Variants in SPART observed in about 807,000 individuals in gnomAD.
SPART encodes spastic paraplegia 20 (Troyer syndrome).
Under a neutral mutation model 58.7 loss-of-function variants are expected in SPART, and 35 were observed. That is an observed-to-expected ratio of 0.60 (90% CI 0.46 to 0.79). The LOEUF (loss-of-function observed/expected upper bound fraction) is 0.79, where lower values mean the gene tolerates loss of function less well. Among genes scored for constraint, SPART ranks in the 30% least tolerant of loss-of-function variants. The pLI is 0.00. For missense variants in SPART, 730 were observed against 786.1 expected, an observed-to-expected ratio of 0.93 and a Z score of 0.85; for synonymous variants, 284 against 280.7, an observed-to-expected ratio of 1.01 and a Z score of -0.12.
intron 3 of SPART, among the ~76,000 whole-genome samples, chr13:36,329,810 C>T (rs1281779559): frequency 6.6e-6 from 1 of 152,136 alleles, no homozygotes; most frequent in Non-Finnish European, 1.5e-5. Flanking sequence ...TCAGATGCAG[C>T]TACATTTAAA....
chr13:36,325,482 A>T (rs1882839975), intron 5 of SPART, among the ~76,000 whole-genome samples: 1 of 152,160 alleles, frequency 6.6e-6, no homozygotes. Flanking sequence ...ATCTTTTAAA[A>T]TGGATTTTAG....
chr13:36,339,013 A>G (rs1358524085), intron 1 of SPART, among the ~76,000 whole-genome samples: 2 of 152,082 alleles, frequency 1.3e-5, no homozygotes, highest in African/African-American at 2.4e-5. Context: ...ATCACAAAAC[A>G]TGAGGCAAAC....
At chr13:36,306,758 A>C (rs147430541) in intron 8 of SPART, among the ~76,000 whole-genome samples, 216 of 151,662 alleles carry the variant, frequency 1.4e-3, no homozygotes, top group African/African-American at 4.4e-3. Flanking sequence ...GGAAAAAAAA[A>C]CAGAATATTC....
At chr13:36,311,224 T>C (rs1234436172) in intron 8 of SPART, among the ~76,000 whole-genome samples, 1 of 152,192 alleles carries the variant, frequency 6.6e-6, no homozygotes, top group East Asian at 1.9e-4. Flanking sequence ...ACGAGATTTT[T>C]TCCTCTTGAG....
intron 1 of SPART, among the ~76,000 whole-genome samples, chr13:36,336,043 T>G (rs1002549474): frequency 6.6e-6 from 1 of 152,210 alleles, no homozygotes; most frequent in Non-Finnish European, 1.5e-5. Flanking sequence ...TGAAAACTCT[T>G]GGTCCAAAAT....
At chr13:36,369,307 TGA>T in intron 1 of SPART, among the ~76,000 whole-genome samples, 1 of 152,302 alleles carries the variant, frequency 6.6e-6, no homozygotes, top group Non-Finnish European at 1.5e-5. Context: ...GTCCTATAAC[TGA>T]TATGTTAGTC....
At chr13:36,311,792 C>A (rs1273849119) in intron 8 of SPART, among the ~76,000 whole-genome samples, 1 of 152,112 alleles carries the variant, frequency 6.6e-6, no homozygotes, top group Non-Finnish European at 1.5e-5. Flanking sequence ...ACAAATGCTA[C>A]AAGAGATTTA....
At position 36,335,144 on chromosome 13, in the gene SPART, C is replaced by G. The variant is rs1883850558; in HGVS notation, c.687G>C (p.Gln229His). The change falls in exon 2 of 9, where the codon CAG becomes CAC. Residue 229 changes from glutamine (Q) to histidine (H), a missense_variant. Gln to His is a conservative substitution (Grantham distance 24). Transcript: ENST00000438666. The part of the protein sequence containing the change: ...DELILIPNGV[Q>H]IFFVNPAGEV... ...CCCCTGCAGGATTTACAAAAAAAAT[C>G]TGTACTCCATTTGGTATCAAAATCA... The G allele has an allele frequency of 2.5e-6, 4 of 1,614,128 alleles. No homozygotes were observed. The highest frequency in any genetic ancestry group is 3.4e-6 in the Non-Finnish European group (4 of 1,180,006).
intron 1 of SPART, among the ~76,000 whole-genome samples, chr13:36,342,453 C>G (rs1884672605): frequency 6.6e-6 from 1 of 152,156 alleles, no homozygotes; most frequent in Non-Finnish European, 1.5e-5. Flanking sequence ...AAAAAGTTTA[C>G]TGACCCTGCA....
intron 1 of SPART, among the ~76,000 whole-genome samples, chr13:36,342,801 G>C (rs564220656): frequency 6.6e-5 from 10 of 152,212 alleles, no homozygotes; most frequent in African/African-American, 2.4e-4. Context: ...TAAGAAAAAG[G>C]CTTCCAGATC....
chr13:36,331,942 T>C (rs1883502653), intron 2 of SPART, among the ~76,000 whole-genome samples: 1 of 152,238 alleles, frequency 6.6e-6, no homozygotes, highest in Non-Finnish European at 1.5e-5. Flanking sequence ...TGAAATCAGA[T>C]ATTCCTTTTG....
At chr13:36,315,112 G>A (rs1881556447) in intron 5 of SPART, among the ~76,000 whole-genome samples, 2 of 152,224 alleles carry the variant, frequency 1.3e-5, no homozygotes, top group South Asian at 4.1e-4. Context: ...CATTTCTCAT[G>A]ACAGTGGGCC....
chr13:36,355,025 T>C (rs1243478076), intron 1 of SPART, among the ~76,000 whole-genome samples: 2 of 152,256 alleles, frequency 1.3e-5, no homozygotes, highest in African/African-American at 2.4e-5. Flanking sequence ...TTTAGGATTG[T>C]ATTGATTCAT....
At chr13:36,349,606 G>C (rs569092077), upstream of SPART, among the ~76,000 whole-genome samples, 3 of 152,330 alleles carry the variant, frequency 2.0e-5, no homozygotes, top group Admixed American at 2.0e-4. Flanking sequence ...GTCAAAACCT[G>C]TATTAGTGGT....
chr13:36,356,246 A>G (rs1471951202), intron 1 of SPART, among the ~76,000 whole-genome samples: 1 of 152,178 alleles, frequency 6.6e-6, no homozygotes, highest in African/African-American at 2.4e-5. Context: ...CTTGCTGGCG[A>G]GTCTCGCTGG....
intron 1 of SPART, among the ~76,000 whole-genome samples, chr13:36,362,191 A>G (rs1387388703): frequency 6.6e-6 from 1 of 151,970 alleles, no homozygotes; most frequent in Non-Finnish European, 1.5e-5. Flanking sequence ...TCTCTACTAC[A>G]AGTACAAAAA....
intron 1 of SPART, among the ~76,000 whole-genome samples, chr13:36,357,780 A>G (rs536385532): frequency 6.6e-6 from 1 of 152,330 alleles, no homozygotes; most frequent in Admixed American, 6.5e-5. Flanking sequence ...CTAGCCCTTC[A>G]TGAATAGGTT....
chr13:36,357,303 C>A lies in SPART; in HGVS notation c.-3+12786G>T, dbSNP rs558763231. Among the ~76,000 whole-genome samples, 437 of 152,304 alleles carry A rather than the reference C, an allele frequency of 2.9e-3. 1 individual carries two copies. The highest frequency in any genetic ancestry group is 0.01 in the African/African-American group (418 of 41,564). ...GCCCCTTGCGCATTGATGGCCATCA[C>A]CCATGGGATAGTTTTCTGGGAGTGC... On this transcript the variant is annotated intron_variant, in intron 1 of 8. Transcript: ENST00000355182.
chr13:36,367,385 A>G (rs1346155145), intron 1 of SPART, among the ~76,000 whole-genome samples: 1 of 152,150 alleles, frequency 6.6e-6, no homozygotes, highest in Non-Finnish European at 1.5e-5. Flanking sequence ...TTCGCAGTTT[A>G]CGTGAATGAC....
Sources: gnomAD v4.1 joint callset for allele counts (sites outside exome capture counted in the v4.1 genomes callset) on GRCh38, gnomAD v4.1.1 for gene constraint, MANE v1.5 for transcripts, NCBI Gene and HGNC (gene_info 2026-07-23, HGNC 2026-07-21) for gene names.